NEK1: variants seen among roughly 807,000 people sequenced by gnomAD.
The protein encoded by NEK1 is NIMA related kinase 1, also known as serine/threonine-protein kinase Nek1.
A neutral mutation model predicts 182.1 loss-of-function variants in NEK1; 137 were observed. The ratio of observed to expected loss-of-function variants is 0.75; its 90% confidence interval spans 0.65 to 0.87. NEK1 has a LOEUF of 0.87. NEK1 is among the 40% of genes least tolerant of loss of function. The probability of loss-of-function intolerance (pLI) is 0.00; values close to 1 mark genes in which losing one functional copy is unlikely to be tolerated. For missense variants in NEK1, 1,391 were observed against 1,494.4 expected, an observed-to-expected ratio of 0.93 and a Z score of 1.14; for synonymous variants, 513 against 492.2, an observed-to-expected ratio of 1.04 and a Z score of -0.56.
chr4:169,592,353 G>T (rs1561475168), intron 5 of NEK1, among the ~76,000 whole-genome samples: 1 of 152,096 alleles, frequency 6.6e-6, no homozygotes, highest in East Asian at 1.9e-4. Flanking sequence ...TAAATATATT[G>T]TATGATCCCT....
chr4:169,458,890 A>T (rs760398952), intron 27 of NEK1, among the ~76,000 whole-genome samples: 1 of 152,052 alleles, frequency 6.6e-6, no homozygotes, highest in Non-Finnish European at 1.5e-5. Flanking sequence ...CTAGGAGAAA[A>T]TACAGGTTGA....
chr4:169,442,291 C>T (rs895335369), intron 27 of NEK1, among the ~76,000 whole-genome samples: 1 of 152,114 alleles, frequency 6.6e-6, no homozygotes, highest in Non-Finnish European at 1.5e-5. Flanking sequence ...TCTCCACTAA[C>T]AATCATAACC....
chr4:169,588,581 G>A (rs1000929022), intron 8 of NEK1, 68 bp downstream of exon 8: 5 of 865,506 alleles, frequency 5.8e-6, no homozygotes, highest in Non-Finnish European at 9.3e-6. Flanking sequence ...GTATTCCAAA[G>A]GTTAATAAAC....
intron 2 of NEK1, among the ~76,000 whole-genome samples, chr4:169,602,948 C>T (rs1377369121): frequency 6.6e-6 from 1 of 152,070 alleles, no homozygotes; most frequent in African/African-American, 2.4e-5. Flanking sequence ...GAGAGAAAGG[C>T]AAACTTACAT....
intron 6 of NEK1, among the ~76,000 whole-genome samples, chr4:169,589,881 CAAGAA>C (rs1768149648): frequency 6.6e-6 from 1 of 151,768 alleles, no homozygotes; most frequent in Admixed American, 6.6e-5. Context: ...AGGACACCAT[CAAGAA>C]AAGAGACAAT....
chr4:169,399,781 TA>T (rs1241636189), intron 35 of NEK1, among the ~76,000 whole-genome samples: 1 of 151,894 alleles, frequency 6.6e-6, no homozygotes, highest in Non-Finnish European at 1.5e-5. Flanking sequence ...CCACTATGCC[TA>T]GCTAATTAAA....
chr4:169,447,522 C>G (rs923395853), intron 27 of NEK1, among the ~76,000 whole-genome samples: 1 of 152,096 alleles, frequency 6.6e-6, no homozygotes, highest in Non-Finnish European at 1.5e-5. Context: ...AATATTAGAA[C>G]ACTGTAATTG....
intron 23 of NEK1, among the ~76,000 whole-genome samples, chr4:169,498,256 G>A (rs1751740605): frequency 6.6e-6 from 1 of 152,006 alleles, no homozygotes; most frequent in Non-Finnish European, 1.5e-5. Context: ...CCATTTGCTT[G>A]GTAGCTCTTC....
intron 30 of NEK1, 117 bp downstream of exon 30, chr4:169,426,029 T>C: frequency 7.0e-6 from 5 of 717,336 alleles, no homozygotes; most frequent in East Asian, 2.8e-5. Context: ...TTTTAAATGA[T>C]TGAGATGACT....
rs56346829 is a variant in NEK1, at chr4:169,477,137, G to A, written c.2421C>T (p.Phe807=). The A allele has an allele frequency of 1.4e-4, 227 of 1,595,346 alleles. No homozygotes were observed. The highest frequency in any genetic ancestry group is 1.8e-4 in the Non-Finnish European group (209 of 1,168,588). Residue 807 remains phenylalanine (F), a synonymous_variant, in exon 26 of 36, where the codon TTC becomes TTT. Coordinates refer to ENST00000507142, the MANE Select transcript of NEK1 (RefSeq NM_001199397.3). The stretch of plus-strand genomic sequence containing the variant: ...TACTATACATACTTTCAGTTGTAGA[G>A]AAGGATGTATCTAGTGTTAACTCAT... ...PLDELTLDTS[F]STTERHTVGE... is the part of the protein sequence containing the mutation.
At chr4:169,607,396 A>G (rs1202711222) in intron 2 of NEK1, among the ~76,000 whole-genome samples, 1 of 152,224 alleles carries the variant, frequency 6.6e-6, no homozygotes, top group Non-Finnish European at 1.5e-5. Flanking sequence ...AAAACAAGAT[A>G]AAAAGATGGA....
chr4:169,443,149 T>C (rs1187254167), intron 27 of NEK1, among the ~76,000 whole-genome samples: 1 of 151,862 alleles, frequency 6.6e-6, no homozygotes, highest in Non-Finnish European at 1.5e-5. Context: ...ACTCTGTCTC[T>C]ACACAAAATA....
intron 29 of NEK1, among the ~76,000 whole-genome samples, chr4:169,429,999 G>C (rs1159522152): frequency 1.3e-5 from 2 of 152,008 alleles, no homozygotes; most frequent in African/African-American, 2.4e-5. Context: ...CTTCCAAATT[G>C]TGATTTATTT....
chr4:169,512,510 C>A (rs1446541004), intron 19 of NEK1, among the ~76,000 whole-genome samples: 1 of 151,862 alleles, frequency 6.6e-6, no homozygotes, highest in Non-Finnish European at 1.5e-5. Context: ...TAAATATAAG[C>A]CTTTTGTTGG....
rs1281166025 is a variant in NEK1, at chr4:169,393,177, ATC to A, written c.*1331_*1332del. On this transcript the variant is annotated 3_prime_UTR_variant, in exon 36 of 36. Coordinates refer to ENST00000507142, the MANE Select transcript of NEK1 (RefSeq NM_001199397.3). ...ATTTTCTTCCATTATGAAGAAAGAA[ATC>A]ATCAGGTACAAAACCAACAAAAGTA... is the stretch of plus-strand genomic sequence containing the variant. 2 of 152,226 alleles carry A rather than the reference ATC, an allele frequency of 1.3e-5. No individual in the cohort carries two copies. The highest frequency in any genetic ancestry group is 6.5e-5 in the Admixed American group (1 of 15,288). 9.4% of individuals were successfully genotyped at this position (152,226 alleles called of 1,614,324 possible).
chr4:169,395,849 T>A (rs1216245996), intron 35 of NEK1, among the ~76,000 whole-genome samples: 2 of 152,214 alleles, frequency 1.3e-5, no homozygotes, highest in African/African-American at 4.8e-5. Context: ...TTTGCTTTTA[T>A]TTTTATTACG....
At chr4:169,463,727 T>A (rs1744413283) in intron 26 of NEK1, among the ~76,000 whole-genome samples, 1 of 152,198 alleles carries the variant, frequency 6.6e-6, no homozygotes, top group African/African-American at 2.4e-5. Context: ...TTGAATTTTT[T>A]TCAGACTTTG....
At position 169,426,771 on chromosome 4, in the gene NEK1, T is replaced by C. The variant is rs747995932; in HGVS notation, c.2886-537A>G. ...AGAGATCTATATAAACTGATTAGAA[T>C]AGGCAAGATATACTGTTAAGTAAAC... On this transcript the variant is annotated intron_variant, in intron 29 of 35. Transcript: ENST00000507142. 5.3e-5 allele frequency among the ~76,000 whole-genome samples: 8 copies of C among 152,312 alleles called. No homozygotes were observed. The Middle Eastern group carries it at 0.01, about 194-fold the overall frequency.
chr4:169,541,188 T>C (rs1759350809), intron 18 of NEK1, among the ~76,000 whole-genome samples: 1 of 152,148 alleles, frequency 6.6e-6, no homozygotes, highest in Non-Finnish European at 1.5e-5. Flanking sequence ...AAGGGTTTAT[T>C]CATTTAGCTT....
Sources: gnomAD v4.1 joint callset for allele counts (sites outside exome capture counted in the v4.1 genomes callset) on GRCh38, gnomAD v4.1.1 for gene constraint, MANE v1.5 for transcripts, NCBI Gene and HGNC (gene_info 2026-07-23, HGNC 2026-07-21) for gene names.